ZSCAN5A: variants seen among roughly 807,000 people sequenced by gnomAD.
ZSCAN5A encodes zinc finger and SCAN domain-containing protein 5A.
A neutral mutation model predicts 23.7 loss-of-function variants in ZSCAN5A; 12 were observed. The observed-to-expected ratio is 0.51, with a 90% CI of 0.32 to 0.82. ZSCAN5A has a LOEUF of 0.82. ZSCAN5A is among the 40% of genes least tolerant of loss of function. The pLI is 0.03. For synonymous variants in ZSCAN5A, 257 were observed against 239.9 expected, an observed-to-expected ratio of 1.07 and a Z score of -0.66; for missense variants, 597 against 617.9, an observed-to-expected ratio of 0.97 and a Z score of 0.36.
intron 2 of ZSCAN5A, among the ~76,000 whole-genome samples, chr19:56,342,170 A>C (rs2041597775): frequency 6.6e-6 from 1 of 152,034 alleles, no homozygotes; most frequent in Admixed American, 6.5e-5. Context: ...ACTTATACAG[A>C]CCATTCATGA....
intron 2 of ZSCAN5A, among the ~76,000 whole-genome samples, chr19:56,249,838 T>C (rs1206298434): frequency 6.6e-6 from 1 of 152,098 alleles, no homozygotes; most frequent in Non-Finnish European, 1.5e-5. Context: ...TTGGTGAAAA[T>C]TTCTCAGATT....
intron 2 of ZSCAN5A, chr19:56,272,742 A>T: frequency 2.8e-6 from 1 of 352,794 alleles, no homozygotes; most frequent in Non-Finnish European, 4.0e-6. Flanking sequence ...GTGGGCAGTT[A>T]GTTTTGTCCC....
At chr19:56,255,842 A>G (rs1477766801) in intron 2 of ZSCAN5A, among the ~76,000 whole-genome samples, 1 of 152,202 alleles carries the variant, frequency 6.6e-6, no homozygotes, top group African/African-American at 2.4e-5. Flanking sequence ...CTGAGGAGGC[A>G]GAAAACATGA....
chr19:56,266,800 A>G (rs2037510499), intron 2 of ZSCAN5A: 1 of 152,236 alleles, frequency 6.6e-6, no homozygotes, highest in South Asian at 2.1e-4. Context: ...TATTTAATAG[A>G]GAACCAAGTG....
chr19:56,334,475 C>CTG (rs2041516882), intron 2 of ZSCAN5A, among the ~76,000 whole-genome samples: 1 of 151,700 alleles, frequency 6.6e-6, no homozygotes, highest in Non-Finnish European at 1.5e-5. Context: ...TTTTTTATTT[C>CTG]TGTGGGTACA....
At chr19:56,349,664 CA>C (rs1309462743) in intron 2 of ZSCAN5A, among the ~76,000 whole-genome samples, 1 of 139,076 alleles carries the variant, frequency 7.2e-6, no homozygotes, top group Non-Finnish European at 1.5e-5. Flanking sequence ...AAGATCACAC[CA>C]CTGCACTCCA....
At chr19:56,362,157 CAAAAA>C (rs71184352) in intron 2 of ZSCAN5A, among the ~76,000 whole-genome samples, 1 of 91,068 alleles carries the variant, frequency 1.1e-5, no homozygotes, top group African/African-American at 3.8e-5. Context: ...GACTCCGTCT[CAAAAA>C]AAAAAAAAAA....
Position 56,223,687 on chromosome 19 carries a change from G to A in ZSCAN5A, c.532C>T (p.Gln178Ter). The A allele has an allele frequency of 6.3e-7, 1 of 1,594,246 alleles. No individual in the cohort carries two copies. The highest frequency in any genetic ancestry group is 8.5e-7 in the Non-Finnish European group (1 of 1,170,478). Residue 178 changes from glutamine (Q) to a stop codon, truncating the protein, a stop_gained, in exon 4 of 6, where the codon CAG becomes TAG. Coordinates refer to ENST00000683990, the MANE Select transcript of ZSCAN5A (RefSeq NM_001322064.3). LOFTEE classifies it high-confidence loss of function. ...SVNQMRPGEG[Q>*]AHRELQILPR... ...AGGATCTGCAGCTCTCGGTGGGCCT[G>A]GCCTTCCCCTGGACGCATCTGGTTC...
At chr19:56,302,191 A>C in intron 2 of ZSCAN5A, 1 of 895,982 alleles carries the variant, frequency 1.1e-6, no homozygotes, top group Non-Finnish European at 1.5e-6. Context: ...GGTGCCTCAG[A>C]GGTGCCAAGC....
chr19:56,276,685 G>A (rs143510582), intron 2 of ZSCAN5A, among the ~76,000 whole-genome samples: 1,766 of 151,768 alleles, frequency 0.012, 11 homozygotes, highest in South Asian at 0.032. Flanking sequence ...TACAGGCTGC[G>A]CGCCACCATG....
chr19:56,302,098 A>G, intron 2 of ZSCAN5A: 2 of 1,231,568 alleles, frequency 1.6e-6, no homozygotes, highest in Non-Finnish European at 2.0e-6. Context: ...GGGACTGGGT[A>G]AGAAGAAGGC....
chr19:56,227,828 G>A (rs1284876975), intron 2 of ZSCAN5A, among the ~76,000 whole-genome samples: 2 of 151,988 alleles, frequency 1.3e-5, no homozygotes, highest in East Asian at 3.9e-4. Context: ...ACCGACATGG[G>A]AACATGCTAG....
intron 2 of ZSCAN5A, among the ~76,000 whole-genome samples, chr19:56,228,648 A>C (rs1400738401): frequency 6.6e-6 from 1 of 152,210 alleles, no homozygotes; most frequent in East Asian, 1.9e-4. Context: ...ATTAGTATCA[A>C]ACCAGTGATT....
chr19:56,290,295 C>T (rs1016887202), intron 2 of ZSCAN5A, among the ~76,000 whole-genome samples: 2 of 152,218 alleles, frequency 1.3e-5, no homozygotes, highest in African/African-American at 4.8e-5. Context: ...TTTACTGACA[C>T]ACAATCACAC....
At chr19:56,362,051 G>A (rs1004215749) in intron 2 of ZSCAN5A, among the ~76,000 whole-genome samples, 4 of 151,596 alleles carry the variant, frequency 2.6e-5, no homozygotes, top group Non-Finnish European at 4.4e-5. Context: ...CCAGCTACTC[G>A]GGAGGCTGAG....
intron 2 of ZSCAN5A, among the ~76,000 whole-genome samples, chr19:56,312,992 G>C (rs973428335): frequency 2.0e-5 from 3 of 152,192 alleles, no homozygotes; most frequent in Admixed American, 2.0e-4. Context: ...GATTATGATT[G>C]TTTATTTGTA....
chr19:56,331,900 A>AT (rs897764564), intron 2 of ZSCAN5A, among the ~76,000 whole-genome samples: 1 of 151,624 alleles, frequency 6.6e-6, no homozygotes, highest in African/African-American at 2.4e-5. Flanking sequence ...ATTTCAAAGA[A>AT]TTTTTTTTAT....
chr19:56,232,557 T>A (rs1354043599), intron 2 of ZSCAN5A, among the ~76,000 whole-genome samples: 3 of 152,144 alleles, frequency 2.0e-5, no homozygotes, highest in African/African-American at 7.2e-5. Flanking sequence ...TGACCAGCTC[T>A]CCTCATCTCA....
Position 56,302,159 on chromosome 19 carries a change from G to A in ZSCAN5A, c.-128+11124C>T, listed in dbSNP as rs113836373. 1,893 of 1,180,160 alleles carry A rather than the reference G, an allele frequency of 1.6e-3. 20 individuals carry two copies. In the African/African-American group the frequency reaches 0.026, roughly 16 times the overall value. 73.1% of individuals were successfully genotyped at this position (1,180,160 alleles called of 1,614,324 possible). ...GAGGAAGGAAAGAGGAGGGAAGTGG[G>A]GGCACAGAGGAAGCGAAGGAGGGTG... On this transcript the variant is annotated intron_variant, in intron 2 of 5. Coordinates refer to ENST00000683990, the MANE Select transcript of ZSCAN5A (RefSeq NM_001322064.3).
Sources: gnomAD v4.1 joint callset for allele counts (sites outside exome capture counted in the v4.1 genomes callset) on GRCh38, gnomAD v4.1.1 for gene constraint, MANE v1.5 for transcripts, NCBI Gene and HGNC (gene_info 2026-07-23, HGNC 2026-07-21) for gene names.